The following MIR2052HG variants were observed in gnomAD, a reference collection of about 807,000 sequenced individuals.
MIR2052HG encodes MIR2052 host gene.
chr8:74,666,305 T>A (rs761379877), intron 2 of MIR2052HG, among the ~76,000 whole-genome samples: 5 of 152,194 alleles, frequency 3.3e-5, no homozygotes, highest in Admixed American at 6.5e-5. Flanking sequence ...AACCTGCCAA[T>A]GTCTTTTTAC....
At chr8:74,756,159 C>T (rs1370484273) in intron 5 of MIR2052HG, among the ~76,000 whole-genome samples, 1 of 152,144 alleles carries the variant, frequency 6.6e-6, no homozygotes, top group Non-Finnish European at 1.5e-5. Context: ...ATTATAGTTT[C>T]ATTACAAAGA....
At chr8:74,649,094 A>G (rs960817139) in intron 2 of MIR2052HG, among the ~76,000 whole-genome samples, 3 of 152,168 alleles carry the variant, frequency 2.0e-5, no homozygotes, top group South Asian at 2.1e-4. Context: ...TAGGAGACAC[A>G]GGGTAGTAAA....
chr8:74,678,563 C>CAAAAAAAAAAAAAA (rs763073114), intron 2 of MIR2052HG, among the ~76,000 whole-genome samples: 1 of 53,522 alleles, frequency 1.9e-5, no homozygotes, highest in African/African-American at 6.9e-5. Context: ...GAGTTTGTCT[C>CAAAAAAAAAAAAAA]AAAAAAAAAA....
chr8:74,742,789 T>C (rs1218862147), intron 4 of MIR2052HG, among the ~76,000 whole-genome samples: 1 of 152,212 alleles, frequency 6.6e-6, no homozygotes, highest in Non-Finnish European at 1.5e-5. Context: ...TATAGACATC[T>C]TGTTGGGATA....
intron 2 of MIR2052HG, among the ~76,000 whole-genome samples, chr8:74,683,192 A>C (rs911423946): frequency 2.0e-4 from 31 of 152,146 alleles, no homozygotes; most frequent in Admixed American, 2.0e-4. Flanking sequence ...TTATATACAT[A>C]TTTTATGTAG....
intron 1 of MIR2052HG, among the ~76,000 whole-genome samples, chr8:74,607,422 G>T (rs1315092073): frequency 1.3e-5 from 2 of 152,138 alleles, no homozygotes; most frequent in Non-Finnish European, 2.9e-5. Flanking sequence ...GACTAGCCTG[G>T]CCAACATGGC....
At chr8:74,699,655 G>A (rs1181733970) in intron 2 of MIR2052HG, among the ~76,000 whole-genome samples, 6 of 152,004 alleles carry the variant, frequency 3.9e-5, no homozygotes, top group African/African-American at 4.8e-5. Context: ...GAGGTGGGGC[G>A]AGGGATAAAA....
At chr8:74,713,730 C>T (rs111336968) in intron 4 of MIR2052HG, among the ~76,000 whole-genome samples, 3,176 of 152,070 alleles carry the variant, frequency 0.021, 89 homozygotes, top group African/African-American at 0.071. Context: ...CTTTGCATAA[C>T]GTTACCTATC....
chr8:74,658,466 C>G (rs987553072), intron 2 of MIR2052HG, among the ~76,000 whole-genome samples: 6 of 151,796 alleles, frequency 4.0e-5, no homozygotes, highest in Non-Finnish European at 7.4e-5. Flanking sequence ...TCTTGGCTCA[C>G]TGCAACCTCC....
intron 2 of MIR2052HG, among the ~76,000 whole-genome samples, chr8:74,642,673 A>G (rs1474877230): frequency 1.3e-5 from 2 of 152,132 alleles, no homozygotes; most frequent in African/African-American, 4.8e-5. Flanking sequence ...AGAATTAGTT[A>G]TTGTGTCTTT....
intron 4 of MIR2052HG, among the ~76,000 whole-genome samples, chr8:74,730,806 A>T (rs17271258): frequency 1.3e-5 from 2 of 152,006 alleles, no homozygotes; most frequent in African/African-American, 4.8e-5. Context: ...AAAACTAAAA[A>T]GAGGGGTCTG....
At chr8:74,632,126 C>T (rs886569469) in intron 2 of MIR2052HG, among the ~76,000 whole-genome samples, 1 of 152,150 alleles carries the variant, frequency 6.6e-6, no homozygotes, top group Non-Finnish European at 1.5e-5. Context: ...ATCACAACAC[C>T]TCTATGAGGC....
At chr8:74,715,969 G>A (rs758239931) in intron 4 of MIR2052HG, among the ~76,000 whole-genome samples, 22 of 152,130 alleles carry the variant, frequency 1.4e-4, no homozygotes, top group Non-Finnish European at 2.2e-4. Flanking sequence ...CTTAGCCTAC[G>A]TCCCTCCAGA....
At chr8:74,717,004 G>T (rs1378005151) in intron 4 of MIR2052HG, among the ~76,000 whole-genome samples, 1 of 151,782 alleles carries the variant, frequency 6.6e-6, no homozygotes, top group Non-Finnish European at 1.5e-5. Context: ...TTTAATTTAA[G>T]TTTTAAAATT....
chr8:74,693,161 A>C (rs1467772023), intron 2 of MIR2052HG, among the ~76,000 whole-genome samples: 1 of 152,238 alleles, frequency 6.6e-6, no homozygotes, highest in Non-Finnish European at 1.5e-5. Context: ...TCTCTTCTTA[A>C]GAATGAGATA....
chr8:74,665,155 C>T (rs954392252), intron 2 of MIR2052HG, among the ~76,000 whole-genome samples: 3 of 152,208 alleles, frequency 2.0e-5, no homozygotes, highest in African/African-American at 7.2e-5. Flanking sequence ...CTCCAGAACA[C>T]CGCCATATTT....
intron 1 of MIR2052HG, among the ~76,000 whole-genome samples, chr8:74,602,585 C>G (rs1191046024): frequency 2.6e-5 from 4 of 151,162 alleles, no homozygotes; most frequent in African/African-American, 9.8e-5. Flanking sequence ...GATCTCGGCT[C>G]TCTGCAACCT....
chr8:74,680,778 G>T (rs1051133280), intron 2 of MIR2052HG, among the ~76,000 whole-genome samples: 1 of 151,868 alleles, frequency 6.6e-6, no homozygotes, highest in Non-Finnish European at 1.5e-5. Context: ...GTTTATTGCG[G>T]CATTATTCAC....
At chr8:74,665,147 C>T (rs752878417) in intron 2 of MIR2052HG, among the ~76,000 whole-genome samples, 53 of 152,262 alleles carry the variant, frequency 3.5e-4, no homozygotes, top group Non-Finnish European at 5.9e-4. Context: ...ACCATCTTCT[C>T]CAGAACACCG....
Sources: allele counts gnomAD v4.1 joint callset (sites outside exome capture counted in the v4.1 genomes callset), GRCh38; gene constraint gnomAD v4.1.1; transcripts MANE v1.5; gene names NCBI Gene and HGNC (gene_info 2026-07-23, HGNC 2026-07-21).